The following OR2L13 variants were observed in gnomAD, a reference collection of about 807,000 sequenced individuals.
OR2L13 encodes olfactory receptor 2L13.
A neutral mutation model predicts 15.3 loss-of-function variants in OR2L13; 14 were observed. That is an observed-to-expected ratio of 0.91 (90% CI 0.60 to 1.43). The LOEUF (loss-of-function observed/expected upper bound fraction) is 1.43. OR2L13 is among the 40% of genes most tolerant of loss of function. The pLI is 0.00. For synonymous variants in OR2L13, 152 were observed against 142.9 expected (o/e 1.06, Z -0.45); for missense variants, 367 against 387.9 (o/e 0.95, Z 0.45).
chr1:248,056,956 G>A, the OR2L13 span, among the ~76,000 whole-genome samples: 1 of 152,020 alleles, frequency 6.6e-6, no homozygotes, highest in Non-Finnish European at 1.5e-5. Context: ...GGCCTTGAGG[G>A]GGCTTTAATC....
At chr1:248,028,120 G>A in the OR2L13 span, among the ~76,000 whole-genome samples, 36 of 115,928 alleles carry the variant, frequency 3.1e-4, no homozygotes, top group East Asian at 2.2e-3. Flanking sequence ...TAGCCTGAGC[G>A]ACAGAGCGAG....
chr1:248,092,089 G>T (rs577931628), upstream of OR2L13, among the ~76,000 whole-genome samples: 1 of 152,138 alleles, frequency 6.6e-6, no homozygotes, highest in Non-Finnish European at 1.5e-5. Context: ...GCTGCTATTG[G>T]TGTATAGAAA....
the OR2L13 span, among the ~76,000 whole-genome samples, chr1:247,998,198 G>A: frequency 6.6e-6 from 1 of 152,148 alleles, no homozygotes; most frequent in South Asian, 2.1e-4. Context: ...TTCAGCACTA[G>A]TGACTGTACT....
At chr1:247,997,812 T>G in the OR2L13 span, among the ~76,000 whole-genome samples, 1 of 152,168 alleles carries the variant, frequency 6.6e-6, no homozygotes, top group East Asian at 1.9e-4. Flanking sequence ...GCCTACAATG[T>G]CCAAAGTTTC....
downstream of OR2L13, chr1:248,101,124 A>T (rs956486922): frequency 3.9e-5 from 6 of 152,294 alleles, no homozygotes; most frequent in East Asian, 1.2e-3. Flanking sequence ...ACATTTATGT[A>T]TACATAAAAA....
the OR2L13 span, chr1:247,937,648 C>G: frequency 2.3e-3 from 343 of 148,590 alleles, 1 homozygote; most frequent in Middle Eastern, 6.9e-3. Flanking sequence ...CTCCTCCCCT[C>G]CCATCAGCAG....
At chr1:247,952,440 T>C in the OR2L13 span, among the ~76,000 whole-genome samples, 1 of 152,194 alleles carries the variant, frequency 6.6e-6, no homozygotes, top group African/African-American at 2.4e-5. Context: ...ATAAGATTAA[T>C]GCCTTTCTAA....
At chr1:247,963,024 C>G in the OR2L13 span, among the ~76,000 whole-genome samples, 1 of 152,010 alleles carries the variant, frequency 6.6e-6, no homozygotes, top group Non-Finnish European at 1.5e-5. Context: ...AGGCTCAGCC[C>G]GGGATGCCAT....
the OR2L13 span, among the ~76,000 whole-genome samples, chr1:247,958,471 A>C: frequency 6.6e-6 from 1 of 152,102 alleles, no homozygotes; most frequent in Non-Finnish European, 1.5e-5. Context: ...CTTGGTGCAG[A>C]GCTGAGTTCA....
the OR2L13 span, among the ~76,000 whole-genome samples, chr1:247,993,169 T>C: frequency 2.0e-5 from 3 of 152,190 alleles, no homozygotes; most frequent in Non-Finnish European, 2.9e-5. Flanking sequence ...CTTGTATGTC[T>C]TCTTCACAGA....
At chr1:247,988,266 T>C in the OR2L13 span, among the ~76,000 whole-genome samples, 5,906 of 152,138 alleles carry the variant, frequency 0.039, 356 homozygotes, top group African/African-American at 0.13. Context: ...TCAATACTTT[T>C]AGGTTGTTTT....
the OR2L13 span, among the ~76,000 whole-genome samples, chr1:248,029,443 A>C: frequency 7.0e-6 from 1 of 141,906 alleles, no homozygotes; most frequent in African/African-American, 3.1e-5. Context: ...ACTGAATAAA[A>C]ATTTAATTAA....
At chr1:247,989,540 A>G in the OR2L13 span, among the ~76,000 whole-genome samples, 2,096 of 152,276 alleles carry the variant, frequency 0.014, 53 homozygotes, top group African/African-American at 0.048. Context: ...CTATAAATGT[A>G]TATATTTCTT....
the OR2L13 span, among the ~76,000 whole-genome samples, chr1:248,066,885 ACTTAACTAGTGAAGATAGCTAC>A: frequency 1.3e-5 from 2 of 152,330 alleles, no homozygotes; most frequent in East Asian, 3.9e-4. Flanking sequence ...TGGTGCTAAA[ACTTAACTAGTGAAGATAGCTAC>A]CAGGGATCAG....
chr1:247,970,950 A>G, the OR2L13 span, among the ~76,000 whole-genome samples: 1 of 152,218 alleles, frequency 6.6e-6, no homozygotes. Context: ...AGTAATCAAT[A>G]TTCCAATTTG....
intron 1 of OR2L13, among the ~76,000 whole-genome samples, chr1:248,097,635 A>G (rs1664766719): frequency 6.6e-6 from 1 of 152,214 alleles, no homozygotes; most frequent in Non-Finnish European, 1.5e-5. Flanking sequence ...TCTATGCAAC[A>G]AAGAATCAAA....
At chr1:247,985,598 G>T in the OR2L13 span, among the ~76,000 whole-genome samples, 3 of 152,188 alleles carry the variant, frequency 2.0e-5, no homozygotes, top group Admixed American at 2.0e-4. Flanking sequence ...ATAGTAGCAT[G>T]ATTTATAATC....
chr1:248,038,037 G>A, the OR2L13 span: 1 of 406,858 alleles, frequency 2.5e-6, no homozygotes, highest in Non-Finnish European at 4.4e-6. Context: ...AGTTGTAATT[G>A]TTCTATTTTA....
the OR2L13 span, chr1:247,966,196 G>A: frequency 1.2e-6 from 2 of 1,613,888 alleles, no homozygotes; most frequent in African/African-American, 1.3e-5. Flanking sequence ...GGATAAGGCG[G>A]TGGCAGTATT....
Sources: gnomAD v4.1 joint callset for allele counts (sites outside exome capture counted in the v4.1 genomes callset) on GRCh38, gnomAD v4.1.1 for gene constraint, MANE v1.5 for transcripts, NCBI Gene and HGNC (gene_info 2026-07-23, HGNC 2026-07-21) for gene names.